Variants in RB1CC1 observed in about 807,000 individuals in gnomAD.
RB1CC1 encodes RB1-inducible coiled-coil protein 1.
A neutral mutation model predicts 177.5 loss-of-function variants in RB1CC1; 46 were observed. That is an observed-to-expected ratio of 0.26 (90% CI 0.20 to 0.33). RB1CC1 has a LOEUF of 0.33. Among genes scored for constraint, RB1CC1 ranks in the 10% least tolerant of loss-of-function variants. The probability of loss-of-function intolerance (pLI) is 1.00; values close to 1 mark genes in which losing one functional copy is unlikely to be tolerated. For missense variants in RB1CC1, 1,703 were observed against 1,816.3 expected (o/e 0.94, Z 1.13); for synonymous variants, 666 against 613.6 (o/e 1.09, Z -1.26).
At chr8:52,707,681 C>T (rs1856704323) in intron 1 of RB1CC1, among the ~76,000 whole-genome samples, 1 of 152,146 alleles carries the variant, frequency 6.6e-6, no homozygotes, top group Non-Finnish European at 1.5e-5. Flanking sequence ...AGTATCTTCC[C>T]TAGCACCTTA....
At chr8:52,645,603 T>A (rs1298212932) in intron 16 of RB1CC1, 99 bp downstream of exon 16, 1 of 1,221,420 alleles carries the variant, frequency 8.2e-7, no homozygotes, top group Admixed American at 2.7e-5. Context: ...ACATCACATC[T>A]AAGATATAAG....
rs193235758 is a variant in RB1CC1, at chr8:52,695,138, T to C, written c.-166-8171A>G. 8.1e-4 allele frequency among the ~76,000 whole-genome samples: 123 copies of C among 152,336 alleles called. 1 individual carries two copies. Among genetic ancestry groups the C allele is most frequent in the African/African-American group, 2.8e-3 (117 of 41,580 alleles). Reference sequence around the variant, plus strand: ...TAAAAAGAAGACAGTATTTTTCTCCTACTAAGCAAGCAAGATTTTCGACCT... The same window carrying C: ...TAAAAAGAAGACAGTATTTTTCTCCCACTAAGCAAGCAAGATTTTCGACCT... On this transcript the variant is annotated intron_variant, in intron 1 of 23. Transcript: ENST00000025008.
chr8:52,659,716 G>A lies in RB1CC1; in HGVS notation c.1690-740C>T, dbSNP rs531838709. On this transcript the variant is annotated intron_variant, in intron 12 of 23. Coordinates refer to ENST00000025008, the MANE Select transcript of RB1CC1 (RefSeq NM_014781.5). ...AGAAACATGTTTAACAGCTAAGCAT[G>A]GCTGGGCGTGGTGGCTCACGCCTGT... is the stretch of plus-strand genomic sequence containing the variant. Among the ~76,000 whole-genome samples the A allele has an allele frequency of 5.3e-5, 8 of 152,318 alleles. No homozygotes were observed. In the East Asian group the frequency reaches 1.5e-3, roughly 29 times the overall value.
At chr8:52,707,224 C>T (rs1042293185) in intron 1 of RB1CC1, among the ~76,000 whole-genome samples, 20 of 152,078 alleles carry the variant, frequency 1.3e-4, no homozygotes, top group African/African-American at 4.8e-4. Context: ...TTAACTAATC[C>T]AGATCTCTGT....
At chr8:52,647,259 A>G (rs567725715) in intron 15 of RB1CC1, among the ~76,000 whole-genome samples, 3 of 152,320 alleles carry the variant, frequency 2.0e-5, no homozygotes, top group African/African-American at 4.8e-5. Flanking sequence ...AATGCAGAAT[A>G]TGCAGTTTGA....
chr8:52,676,248 G>A, intron 6 of RB1CC1, 121 bp downstream of exon 6: 1 of 845,778 alleles, frequency 1.2e-6, no homozygotes, highest in East Asian at 2.6e-5. Flanking sequence ...AAGGCTCAAA[G>A]AATAAACCTC....
chr8:52,628,800 T>G (rs1280433003), intron 21 of RB1CC1, among the ~76,000 whole-genome samples: 1 of 152,230 alleles, frequency 6.6e-6, no homozygotes, highest in Admixed American at 6.5e-5. Context: ...TCAAAAGGCC[T>G]TGAAAATCAA....
intron 1 of RB1CC1, among the ~76,000 whole-genome samples, chr8:52,704,620 T>C (rs1021907069): frequency 2.6e-5 from 4 of 152,128 alleles, no homozygotes; most frequent in Non-Finnish European, 4.4e-5. Context: ...AATTCTTTTA[T>C]TAACTTGCAA....
intron 20 of RB1CC1, 76 bp downstream of exon 20, chr8:52,634,845 G>T: frequency 7.9e-7 from 1 of 1,265,192 alleles, no homozygotes; most frequent in Non-Finnish European, 1.1e-6. Context: ...TCCTCTGATG[G>T]AATATCTTCA....
Position 52,676,582 on chromosome 8 carries a change from A to G in RB1CC1, c.370-11T>C. 6.3e-7 allele frequency: 1 copy of G among 1,583,364 alleles called. No homozygotes were observed. Among genetic ancestry groups the G allele is most frequent in the Non-Finnish European group, 8.6e-7 (1 of 1,160,934 alleles). On this transcript the variant is annotated splice_polypyrimidine_tract_variant and intron_variant, in intron 5 of 23. Transcript: ENST00000025008. ...AACTTCATACATTTCCTATATTGAA[A>G]AAGAATACAAAAGAAAGTAAAAGAA...
At position 52,642,477 on chromosome 8, in the gene RB1CC1, G is replaced by A. The variant is rs1241474959; in HGVS notation, c.4211C>T (p.Ala1404Val). The A allele has an allele frequency of 3.7e-6, 6 of 1,613,934 alleles. No homozygotes were observed. Among genetic ancestry groups the A allele is most frequent in the Non-Finnish European group, 5.1e-6 (6 of 1,179,992 alleles). ...AGCTCCATAAAGTTCTGGGGCTGTA[G>A]CTACATATGGTGAAGGAACAAAACT... ...SSSFVPSPYV[A>V]TAPELYGACA... The change falls in exon 18 of 24, where the codon GCT (alanine) becomes GTT (valine). Residue 1404 changes from alanine to valine, a missense_variant. Ala to Val is a moderately conservative substitution (Grantham distance 64). Around this residue, in one of 6 missense-constraint regions of RB1CC1, gnomAD observed 1,169 missense variants for 1,184.7 expected, o/e 0.99. Transcript: ENST00000025008.
chr8:52,672,994 T>C (rs1852749118), intron 7 of RB1CC1, among the ~76,000 whole-genome samples: 1 of 152,196 alleles, frequency 6.6e-6, no homozygotes, highest in Non-Finnish European at 1.5e-5. Flanking sequence ...ACTGAAAGAA[T>C]GACAAAACCT....
chr8:52,697,478 A>G (rs1382957034), intron 1 of RB1CC1, among the ~76,000 whole-genome samples: 1 of 152,182 alleles, frequency 6.6e-6, no homozygotes, highest in Non-Finnish European at 1.5e-5. Context: ...ATACTAAAGA[A>G]TTAGAATTAC....
chr8:52,701,750 TC>T (rs1360551071), intron 1 of RB1CC1, among the ~76,000 whole-genome samples: 1 of 151,678 alleles, frequency 6.6e-6, no homozygotes, highest in Non-Finnish European at 1.5e-5. Flanking sequence ...TCTCAAATTT[TC>T]TCTTCTTTAC....
At chr8:52,687,837 A>C (rs981024526) in intron 1 of RB1CC1, among the ~76,000 whole-genome samples, 1 of 152,192 alleles carries the variant, frequency 6.6e-6, no homozygotes. Flanking sequence ...CAAACAATCA[A>C]GTTTACTGTA....
At position 52,642,487 on chromosome 8, in the gene RB1CC1, G is replaced by A. The variant is rs753914572; in HGVS notation, c.4201C>T (p.Pro1401Ser). ...KLRSSSFVPS[P>S]YVATAPELYG... ...AGTTCTGGGGCTGTAGCTACATATG[G>A]TGAAGGAACAAAACTGCTACTACGC... Residue 1401 changes from proline to serine, a missense_variant, in exon 18 of 24, where the codon CCA (proline) becomes TCA (serine). By Grantham distance (74) the Pro-to-Ser change is moderately conservative (BLOSUM62 -1). This residue lies in a region of RB1CC1 where 1,169 missense variants were observed against 1,184.7 expected (regional missense o/e 0.99). Transcript: ENST00000025008. The A allele has an allele frequency of 1.9e-6, 3 of 1,613,980 alleles. No homozygotes were observed. Among genetic ancestry groups the A allele is most frequent in the Non-Finnish European group, 2.5e-6 (3 of 1,179,970 alleles).
intron 12 of RB1CC1, among the ~76,000 whole-genome samples, chr8:52,659,496 C>A (rs1851413636): frequency 1.3e-5 from 2 of 151,842 alleles, no homozygotes; most frequent in Non-Finnish European, 2.9e-5. Context: ...CCTACCAATT[C>A]ATTATTTATA....
chr8:52,631,202 G>C (rs199535834), intron 20 of RB1CC1, among the ~76,000 whole-genome samples: 1 of 152,144 alleles, frequency 6.6e-6, no homozygotes, highest in African/African-American at 2.4e-5. Flanking sequence ...CCAGGAAGTT[G>C]AGTCTTTGAA....
chr8:52,705,899 T>G (rs1056059641), intron 1 of RB1CC1, among the ~76,000 whole-genome samples: 1 of 152,176 alleles, frequency 6.6e-6, no homozygotes, highest in Non-Finnish European at 1.5e-5. Context: ...TTAAAAATGT[T>G]TTGATCTATA....
Sources: allele counts gnomAD v4.1 joint callset (sites outside exome capture counted in the v4.1 genomes callset), GRCh38; gene constraint gnomAD v4.1.1; regional missense constraint gnomAD v4.1.1; transcripts MANE v1.5; gene names NCBI Gene and HGNC (gene_info 2026-07-23, HGNC 2026-07-21).